SNCAIP: variants seen among roughly 807,000 people sequenced by gnomAD.
SNCAIP encodes the protein synuclein alpha interacting protein, also known as synphilin-1.
Under a neutral mutation model 86.7 loss-of-function variants are expected in SNCAIP, and 43 were observed. The observed-to-expected ratio is 0.50, with a 90% confidence interval of 0.39 to 0.64. The LOEUF is 0.64. Ranked by LOEUF, SNCAIP falls within the 30% of genes least tolerant of loss-of-function variation. The probability of loss-of-function intolerance (pLI) is 0.00; values close to 1 mark genes in which losing one functional copy is unlikely to be tolerated. For synonymous variants in SNCAIP, 417 were observed against 427.2 expected, an observed-to-expected ratio of 0.98 and a Z score of 0.29; for missense variants, 981 against 1,103.1, an observed-to-expected ratio of 0.89 and a Z score of 1.57.
At chr5:122,445,674 A>AT (rs1441324155) in intron 8 of SNCAIP, among the ~76,000 whole-genome samples, 8 of 142,292 alleles carry the variant, frequency 5.6e-5, no homozygotes, top group Middle Eastern at 3.3e-3. Context: ...ACACACACAC[A>AT]TTTTTTTTCT....
At chr5:122,418,496 A>C (rs1028672729) in intron 3 of SNCAIP, among the ~76,000 whole-genome samples, 1 of 152,234 alleles carries the variant, frequency 6.6e-6, no homozygotes, top group Non-Finnish European at 1.5e-5. Context: ...CACTTGCAAT[A>C]AATTCAAGTT....
intron 1 of SNCAIP, 115 bp from the exon 2 acceptor site, chr5:122,390,974 G>A (rs1014688873): frequency 4.6e-6 from 3 of 649,132 alleles, no homozygotes; most frequent in Non-Finnish European, 8.3e-6. Context: ...GTGCTCCAAG[G>A]CAACACTAGC....
intron 1 of SNCAIP, among the ~76,000 whole-genome samples, chr5:122,362,825 G>A (rs1456211440): frequency 1.3e-5 from 2 of 152,088 alleles, no homozygotes; most frequent in African/African-American, 4.8e-5. Flanking sequence ...ATATGCAAAT[G>A]AATTAAACAG....
intron 2 of SNCAIP, among the ~76,000 whole-genome samples, chr5:122,402,657 T>A (rs1772074580): frequency 6.6e-6 from 1 of 152,180 alleles, no homozygotes; most frequent in Admixed American, 6.5e-5. Context: ...ACGCTTTGCT[T>A]CATGTATTGA....
At chr5:122,454,496 T>C (rs1019774160) in intron 10 of SNCAIP, 1 of 152,580 alleles carries the variant, frequency 6.6e-6, no homozygotes, top group Non-Finnish European at 1.5e-5. Context: ...TGGCCAATGG[T>C]GAGAGCCCAA....
intron 6 of SNCAIP, among the ~76,000 whole-genome samples, chr5:122,434,487 AC>A (rs1778996075): frequency 6.6e-6 from 1 of 152,180 alleles, no homozygotes; most frequent in South Asian, 2.1e-4. Context: ...AGTGTGACTT[AC>A]TTGGTGGGAC....
At chr5:122,391,346 G>C (rs948737535) in intron 2 of SNCAIP, among the ~76,000 whole-genome samples, 155 bp downstream of exon 2, 1 of 152,142 alleles carries the variant, frequency 6.6e-6, no homozygotes, top group Non-Finnish European at 1.5e-5. Flanking sequence ...GTGTGGTTTG[G>C]GGGGATCTCT....
At chr5:122,360,123 T>C (rs1214591638) in intron 1 of SNCAIP, among the ~76,000 whole-genome samples, 1 of 152,292 alleles carries the variant, frequency 6.6e-6, no homozygotes, top group East Asian at 1.9e-4. Flanking sequence ...CCAGCATTCT[T>C]TTTTGGATTT....
chr5:122,451,294 T>C lies in SNCAIP; in HGVS notation c.2447T>C (p.Val816Ala). 1 of 1,613,908 alleles carries C rather than the reference T, an allele frequency of 6.2e-7. No individual in the cohort carries two copies. Among genetic ancestry groups the C allele is most frequent in the Non-Finnish European group, 8.5e-7 (1 of 1,179,986 alleles). The change falls in exon 10 of 11, where the codon GTT becomes GCT. Residue 816 changes from valine (V) to alanine (A), a missense_variant. By Grantham distance (64) the Val-to-Ala change is moderately conservative. Coordinates refer to ENST00000261368, the MANE Select transcript of SNCAIP (RefSeq NM_005460.4). The part of the protein sequence containing the change: ...RRTSQNLKLR[V>A]TFEEPVVQME... ...ACATCTCAGAACTTAAAACTGAGAGTTACCTTTGAGGAGCCTGTGGTGCAG... is the reference window on the plus strand; with the variant it reads ...ACATCTCAGAACTTAAAACTGAGAGCTACCTTTGAGGAGCCTGTGGTGCAG...
intron 1 of SNCAIP, among the ~76,000 whole-genome samples, chr5:122,385,288 A>G (rs1266358331): frequency 2.0e-5 from 3 of 152,236 alleles, no homozygotes; most frequent in African/African-American, 7.2e-5. Context: ...TAAATGAAGA[A>G]GTGGATAAAG....
In SNCAIP at chr5:122,440,626, T is replaced by C. The variant is rs374278026; in HGVS notation, c.1297-3T>C. On this transcript the variant is annotated splice_polypyrimidine_tract_variant and splice_region_variant and intron_variant, in intron 6 of 10. Coordinates refer to ENST00000261368, the MANE Select transcript of SNCAIP (RefSeq NM_005460.4). ...TGAATTCCAACTGTCTTTGTGTTTA[T>C]AGGAAAAGATTCTTCTGTGGCTTCT... 1.5e-5 allele frequency: 25 copies of C among 1,613,408 alleles called. No homozygotes were observed. The highest frequency in any genetic ancestry group is 5.3e-5 in the African/African-American group (4 of 74,904).
At chr5:122,358,429 T>C (rs1330956388) in intron 1 of SNCAIP, among the ~76,000 whole-genome samples, 1 of 142,444 alleles carries the variant, frequency 7.0e-6, no homozygotes, top group Admixed American at 7.6e-5. Flanking sequence ...TGCCTTCTAA[T>C]GCCCTTGAGT....
At chr5:122,441,048 C>T in intron 7 of SNCAIP, 1 of 325,800 alleles carries the variant, frequency 3.1e-6, no homozygotes. Context: ...TAAATTTCCC[C>T]ATGTTCTCAA....
At chr5:122,394,705 G>C (rs1197878023) in intron 2 of SNCAIP, among the ~76,000 whole-genome samples, 2 of 152,198 alleles carry the variant, frequency 1.3e-5, no homozygotes, top group African/African-American at 4.8e-5. Flanking sequence ...AGAGAGGCCA[G>C]TGTGGTGCTC....
At chr5:122,399,430 T>G (rs904002166) in intron 2 of SNCAIP, among the ~76,000 whole-genome samples, 3 of 152,178 alleles carry the variant, frequency 2.0e-5, no homozygotes, top group Non-Finnish European at 4.4e-5. Context: ...TCCATTGTCC[T>G]TTATACAAAA....
intron 1 of SNCAIP, among the ~76,000 whole-genome samples, chr5:122,380,155 G>C (rs1259400969): frequency 1.3e-5 from 2 of 152,136 alleles, no homozygotes; most frequent in Admixed American, 6.5e-5. Flanking sequence ...ATTCGGCTGT[G>C]AATCCATCTG....
chr5:122,403,027 C>T (rs564244797), intron 2 of SNCAIP, among the ~76,000 whole-genome samples: 3 of 152,282 alleles, frequency 2.0e-5, no homozygotes, highest in African/African-American at 4.8e-5. Flanking sequence ...TGATTGGCAT[C>T]ACATGTTGTC....
intron 5 of SNCAIP, among the ~76,000 whole-genome samples, chr5:122,429,674 G>T (rs1372574868): frequency 1.3e-5 from 2 of 152,082 alleles, no homozygotes; most frequent in Admixed American, 1.3e-4. Flanking sequence ...GGAAACATTT[G>T]GCATGCTCCA....
At chr5:122,369,812 C>T (rs533529048) in intron 1 of SNCAIP, 1 of 152,246 alleles carries the variant, frequency 6.6e-6, no homozygotes, top group South Asian at 2.1e-4. Flanking sequence ...GTAAGGAGCT[C>T]CTCAATGGGA....
Sources: gnomAD v4.1 joint callset for allele counts (sites outside exome capture counted in the v4.1 genomes callset) on GRCh38, gnomAD v4.1.1 for gene constraint, MANE v1.5 for transcripts, NCBI Gene and HGNC (gene_info 2026-07-23, HGNC 2026-07-21) for gene names.